DAB1: variants seen among roughly 807,000 people sequenced by gnomAD.
The protein encoded by DAB1 is DAB adaptor protein 1, also known as disabled homolog 1.
A neutral mutation model predicts 64.6 loss-of-function variants in DAB1; 15 were observed. The observed-to-expected ratio is 0.23, with a 90% confidence interval of 0.16 to 0.36. The LOEUF is 0.36. Among genes scored for constraint, DAB1 ranks in the 10% least tolerant of loss-of-function variants. The pLI is 1.00. For missense variants in DAB1, 596 were observed against 706.7 expected (o/e 0.84, Z 1.78); for synonymous variants, 235 against 251.9 (o/e 0.93, Z 0.64).
At chr1:58,533,849 C>T in intron 1 of DAB1, 1 of 738,060 alleles carries the variant, frequency 1.4e-6, no homozygotes, top group South Asian at 1.5e-5. Flanking sequence ...AACTAAAAGT[C>T]TATCATTTTT....
chr1:57,400,964 C>T (rs940895491), intron 1 of DAB1, among the ~76,000 whole-genome samples: 3 of 149,300 alleles, frequency 2.0e-5, no homozygotes, highest in East Asian at 2.0e-4. Context: ...AGTCTCTAAA[C>T]ACCAGTGAGA....
chr1:57,452,178 T>TCC, intron 7 of DAB1, among the ~76,000 whole-genome samples: 1 of 141,924 alleles, frequency 7.0e-6, no homozygotes, highest in East Asian at 2.3e-4. Flanking sequence ...TTTTTTTTTT[T>TCC]TTTTTTTTTG....
intron 4 of DAB1, among the ~76,000 whole-genome samples, chr1:58,205,012 T>C (rs1237423144): frequency 6.6e-6 from 1 of 152,208 alleles, no homozygotes; most frequent in Non-Finnish European, 1.5e-5. Context: ...AGAGCTATAA[T>C]ATTATAATAA....
intron 7 of DAB1, among the ~76,000 whole-genome samples, chr1:57,628,900 C>A (rs1645954785): frequency 6.6e-6 from 1 of 152,190 alleles, no homozygotes; most frequent in Admixed American, 6.5e-5. Context: ...TGTCTCAAAG[C>A]AATAATTACA....
chr1:57,154,203 G>A (rs1472599511), intron 2 of DAB1, among the ~76,000 whole-genome samples: 1 of 151,970 alleles, frequency 6.6e-6, no homozygotes, highest in African/African-American at 2.4e-5. Flanking sequence ...ACCCTTCCCA[G>A]CCTCTAGTAA....
chr1:58,524,194 A>T (rs1370341412), intron 2 of DAB1, among the ~76,000 whole-genome samples: 1 of 152,138 alleles, frequency 6.6e-6, no homozygotes, highest in Non-Finnish European at 1.5e-5. Context: ...CCTTTATGGC[A>T]TTATCTTTTT....
At position 58,062,832 on chromosome 1, in the gene DAB1, G is replaced by A. The variant is rs148452523; in HGVS notation, n.387+87679C>T. On this transcript the variant is annotated intron_variant and non_coding_transcript_variant, in intron 5 of 20. Coordinates refer to the DAB1 transcript ENST00000485760. ...TCTGAAGGAACATGCACCAGGATCT[G>A]GGTGAGTCATTTGCAAGAAATGTCA... is the stretch of plus-strand genomic sequence containing the variant. Among the ~76,000 whole-genome samples, 563 of 152,286 alleles carry A rather than the reference G, an allele frequency of 3.7e-3. 2 individuals carry two copies. Among genetic ancestry groups the A allele is most frequent in the African/African-American group, 0.013 (533 of 41,562 alleles).
intron 2 of DAB1, among the ~76,000 whole-genome samples, chr1:57,168,592 G>C (rs1235398365): frequency 1.3e-5 from 2 of 152,030 alleles, no homozygotes; most frequent in African/African-American, 4.8e-5. Flanking sequence ...CCCTTTCCCT[G>C]GTCTTGAGAT....
chr1:57,348,302 G>C (rs1678284896), intron 1 of DAB1, among the ~76,000 whole-genome samples: 1 of 152,104 alleles, frequency 6.6e-6, no homozygotes, highest in Non-Finnish European at 1.5e-5. Flanking sequence ...TTTCACAGGG[G>C]CTAAAACAGA....
chr1:57,745,271 C>A (rs1648210999), intron 6 of DAB1, among the ~76,000 whole-genome samples: 1 of 152,064 alleles, frequency 6.6e-6, no homozygotes, highest in South Asian at 2.1e-4. Flanking sequence ...GTGTCCCTTC[C>A]ATCTAGCATG....
At chr1:57,557,811 A>G (rs1406230780) in intron 7 of DAB1, among the ~76,000 whole-genome samples, 1 of 152,188 alleles carries the variant, frequency 6.6e-6, no homozygotes, top group Non-Finnish European at 1.5e-5. Context: ...AAGGAACATA[A>G]TGAAGGTGGT....
intron 6 of DAB1, among the ~76,000 whole-genome samples, chr1:57,758,991 C>A (rs1428723587): frequency 6.6e-6 from 1 of 152,196 alleles, no homozygotes; most frequent in Non-Finnish European, 1.5e-5. Flanking sequence ...CACCTCAGCT[C>A]TTTAGCTACA....
intron 1 of DAB1, among the ~76,000 whole-genome samples, chr1:57,837,975 C>G (rs1294418459): frequency 6.6e-6 from 1 of 152,064 alleles, no homozygotes; most frequent in East Asian, 1.9e-4. Flanking sequence ...CTACTGCCAC[C>G]ATCATTTCCC....
chr1:57,389,721 T>C lies in DAB1; in HGVS notation c.-137+34209A>G, dbSNP rs568026072. On this transcript the variant is annotated intron_variant, in intron 1 of 14. Coordinates refer to ENST00000371236, the MANE Select transcript of DAB1 (RefSeq NM_001365792.1). Reference sequence around the variant, plus strand: ...GGTACAATTTGTGACCAATAGCTATTTCCATAGTAATTATAACTAAATTGT... The same window carrying C: ...GGTACAATTTGTGACCAATAGCTATCTCCATAGTAATTATAACTAAATTGT... 1.3e-3 allele frequency among the ~76,000 whole-genome samples: 199 copies of C among 152,206 alleles called. 2 individuals carry two copies. The highest frequency in any genetic ancestry group is 4.5e-3 in the African/African-American group (185 of 41,530).
At chr1:57,757,007 G>T (rs1384344911) in intron 6 of DAB1, among the ~76,000 whole-genome samples, 1 of 152,132 alleles carries the variant, frequency 6.6e-6, no homozygotes, top group Non-Finnish European at 1.5e-5. Context: ...CTGAAGAAGA[G>T]AAGGTCATTA....
chr1:58,424,282 G>C (rs569251775), intron 3 of DAB1, among the ~76,000 whole-genome samples: 22 of 152,168 alleles, frequency 1.4e-4, no homozygotes, highest in Non-Finnish European at 2.9e-4. Flanking sequence ...AGTGGATGAG[G>C]CCCACCCACA....
intron 7 of DAB1, among the ~76,000 whole-genome samples, chr1:57,446,618 T>G (rs1686152014): frequency 1.3e-5 from 2 of 150,756 alleles, no homozygotes; most frequent in South Asian, 2.1e-4. Context: ...AAAAAAAAAT[T>G]TAGAGAATCC....
chr1:57,073,169 T>A (rs1316675722), intron 4 of DAB1, among the ~76,000 whole-genome samples: 1 of 152,196 alleles, frequency 6.6e-6, no homozygotes, highest in Non-Finnish European at 1.5e-5. Context: ...GAACTTTACT[T>A]TCTAATGACA....
intron 3 of DAB1, among the ~76,000 whole-genome samples, chr1:57,139,410 C>G (rs1658395888): frequency 6.6e-6 from 1 of 152,090 alleles, no homozygotes; most frequent in East Asian, 1.9e-4. Flanking sequence ...TCCTGGACTT[C>G]CCAGGATCCA....
Sources: allele counts gnomAD v4.1 joint callset (sites outside exome capture counted in the v4.1 genomes callset), GRCh38; gene constraint gnomAD v4.1.1; transcripts MANE v1.5; gene names NCBI Gene and HGNC (gene_info 2026-07-23, HGNC 2026-07-21).